The following PHACTR1 variants were observed in gnomAD, a reference collection of about 807,000 sequenced individuals.
The protein encoded by PHACTR1 is phosphatase and actin regulator 1, also known as RPEL repeat containing 1.
A neutral mutation model predicts 69.2 loss-of-function variants in PHACTR1; 16 were observed. The ratio of observed to expected loss-of-function variants is 0.23; its 90% CI spans 0.16 to 0.35. The LOEUF (loss-of-function observed/expected upper bound fraction) is 0.35. Ranked by LOEUF, PHACTR1 falls within the 10% of genes least tolerant of loss-of-function variation. PHACTR1 has a pLI of 1.00. For synonymous variants in PHACTR1, 312 were observed against 284.5 expected, an observed-to-expected ratio of 1.10 and a Z score of -0.97; for missense variants, 510 against 734.7, an observed-to-expected ratio of 0.69 and a Z score of 3.54.
intron 5 of PHACTR1, among the ~76,000 whole-genome samples, chr6:13,150,581 A>G (rs972115021): frequency 9.2e-5 from 14 of 152,204 alleles, no homozygotes; most frequent in African/African-American, 2.9e-4. Flanking sequence ...CATGTTGTCT[A>G]AAATTAGACA....
chr6:12,766,566 A>G (rs1163164280), intron 4 of PHACTR1, among the ~76,000 whole-genome samples: 1 of 152,192 alleles, frequency 6.6e-6, no homozygotes, highest in Non-Finnish European at 1.5e-5. Flanking sequence ...TCATATTGGT[A>G]GCTTGAAATC....
At chr6:12,778,242 A>T (rs895921990) in intron 4 of PHACTR1, among the ~76,000 whole-genome samples, 3 of 152,258 alleles carry the variant, frequency 2.0e-5, no homozygotes, top group Non-Finnish European at 4.4e-5. Context: ...GAAACCATAA[A>T]ATCCAAACAA....
At position 13,286,916 on chromosome 6, in the gene PHACTR1, G is replaced by A. The variant is rs1460602902; in HGVS notation, c.1728-147G>A. 7 of 798,646 alleles carry A rather than the reference G, an allele frequency of 8.8e-6. No homozygotes were observed. The East Asian group carries it at 1.9e-4, about 22-fold the overall frequency. The allele number at this position is 798,646 out of a possible 1,614,324, so 49.5% of individuals were successfully genotyped here. On this transcript the variant is annotated intron_variant, in intron 14 of 14. Coordinates refer to ENST00000332995, the MANE Select transcript of PHACTR1 (RefSeq NM_030948.6). ...ATGAAACTTTCAAAGCCAGGTGTGT[G>A]TTCAGTGGTACTCCTGTGGGGATGA...
chr6:13,283,278 C>A lies in PHACTR1; in HGVS notation c.1510-144C>A. ...TTGGGTCCCCCCACCCTGGCCCTCC[C>A]CCTGCCCCTGCCCCTCACTCACTAT... On this transcript the variant is annotated intron_variant, in intron 12 of 14. Coordinates refer to ENST00000332995, the MANE Select transcript of PHACTR1 (RefSeq NM_030948.6). The surrounding 1 kb of genome is among the most constrained non-coding windows in gnomAD (Gnocchi z 4.7). 1 of 939,766 alleles carries A rather than the reference C, an allele frequency of 1.1e-6. No homozygotes were observed. The highest frequency in any genetic ancestry group is 2.6e-5 in the East Asian group (1 of 38,078). The allele number at this position is 939,766 out of a possible 1,614,324, so 58.2% of individuals were successfully genotyped here. A position where few individuals can be genotyped will look rare whatever the true frequency, so the allele number is the denominator to read the frequency against.
chr6:13,132,122 C>T (rs1435474325), intron 5 of PHACTR1, among the ~76,000 whole-genome samples: 3 of 152,192 alleles, frequency 2.0e-5, no homozygotes, highest in South Asian at 2.1e-4. Context: ...GGTTTAAGTA[C>T]TAACCCACTC....
intron 3 of PHACTR1, among the ~76,000 whole-genome samples, chr6:12,732,168 A>T (rs1322778570): frequency 6.6e-6 from 1 of 152,054 alleles, no homozygotes; most frequent in Non-Finnish European, 1.5e-5. Context: ...CCAATGCAAC[A>T]TATAGTAATT....
chr6:13,252,716 A>C (rs1043144048), intron 10 of PHACTR1, among the ~76,000 whole-genome samples: 5 of 152,172 alleles, frequency 3.3e-5, no homozygotes, highest in African/African-American at 1.2e-4. Flanking sequence ...GCCGCAGGAA[A>C]ACACTTAGAG....
intron 4 of PHACTR1, among the ~76,000 whole-genome samples, chr6:12,862,785 C>A (rs1038443086): frequency 1.3e-5 from 2 of 152,138 alleles, no homozygotes; most frequent in African/African-American, 4.8e-5. Context: ...TCTCCATGCA[C>A]CTTCTACTAC....
At chr6:13,043,341 C>T (rs771759987) in intron 4 of PHACTR1, among the ~76,000 whole-genome samples, 4 of 152,022 alleles carry the variant, frequency 2.6e-5, no homozygotes, top group Admixed American at 6.6e-5. Context: ...GCACAAGAAC[C>T]GCTTGAACCT....
At chr6:12,981,691 A>G (rs569928195) in intron 4 of PHACTR1, among the ~76,000 whole-genome samples, 269 of 152,334 alleles carry the variant, frequency 1.8e-3, no homozygotes, top group African/African-American at 5.8e-3. Context: ...TGGACATGAC[A>G]TGACCAGTGA....
chr6:12,789,720 C>A (rs1377186233), intron 4 of PHACTR1, among the ~76,000 whole-genome samples: 1 of 151,586 alleles, frequency 6.6e-6, no homozygotes, highest in Admixed American at 6.6e-5. Context: ...AACTTGGAAT[C>A]TTTCCCTACT....
chr6:13,170,100 C>T (rs1480593088), intron 6 of PHACTR1, among the ~76,000 whole-genome samples: 1 of 152,220 alleles, frequency 6.6e-6, no homozygotes, highest in Non-Finnish European at 1.5e-5. Flanking sequence ...GCAATTCCTA[C>T]ATCACATGCG....
intron 4 of PHACTR1, among the ~76,000 whole-genome samples, chr6:12,786,286 A>G (rs779508429): frequency 2.6e-5 from 4 of 152,214 alleles, no homozygotes; most frequent in Non-Finnish European, 4.4e-5. Flanking sequence ...TTGCACATTC[A>G]TGCATGTGTG....
intron 4 of PHACTR1, among the ~76,000 whole-genome samples, chr6:12,792,102 A>G (rs1772353862): frequency 3.3e-5 from 5 of 152,076 alleles, no homozygotes; most frequent in Admixed American, 6.5e-5. Flanking sequence ...ACATAAGCAT[A>G]TGTGTGTGTG....
At chr6:12,783,093 T>G (rs1771039072) in intron 4 of PHACTR1, among the ~76,000 whole-genome samples, 1 of 152,212 alleles carries the variant, frequency 6.6e-6, no homozygotes, top group South Asian at 2.1e-4. Context: ...GTCTGAGCTG[T>G]TGACAGAAAA....
intron 4 of PHACTR1, among the ~76,000 whole-genome samples, chr6:12,956,438 A>G (rs575242960): frequency 5.9e-5 from 9 of 152,336 alleles, no homozygotes; most frequent in Non-Finnish European, 1.2e-4. Flanking sequence ...ATGCTAAGAC[A>G]GGGACTGGGG....
At chr6:12,909,558 A>G (rs1786129316) in intron 4 of PHACTR1, among the ~76,000 whole-genome samples, 3 of 152,262 alleles carry the variant, frequency 2.0e-5, no homozygotes, top group South Asian at 2.1e-4. Context: ...CGGTGTCTTC[A>G]TAAGAGGTAG....
intron 4 of PHACTR1, among the ~76,000 whole-genome samples, chr6:12,890,333 C>T (rs1665484657): frequency 6.6e-6 from 1 of 152,126 alleles, no homozygotes; most frequent in African/African-American, 2.4e-5. Flanking sequence ...TAACAGGCCT[C>T]CTACTATGCT....
At chr6:12,736,891 A>G (rs1008067830) in intron 3 of PHACTR1, among the ~76,000 whole-genome samples, 4 of 152,084 alleles carry the variant, frequency 2.6e-5, no homozygotes, top group Non-Finnish European at 5.9e-5. Flanking sequence ...CTATTGATCT[A>G]TTCGTCTAGA....
Sources: allele counts gnomAD v4.1 joint callset (sites outside exome capture counted in the v4.1 genomes callset), GRCh38; gene constraint gnomAD v4.1.1; non-coding constraint Gnocchi (gnomAD v3.1); transcripts MANE v1.5; gene names NCBI Gene and HGNC (gene_info 2026-07-23, HGNC 2026-07-21).